FGF12: variants seen among roughly 807,000 people sequenced by gnomAD.
FGF12 encodes fibroblast growth factor 12, also known as fibroblast growth factor 12B.
FGF12 carries 14 observed loss-of-function variants against 23.6 expected under a neutral mutation model. The observed-to-expected ratio is 0.59, with a 90% CI of 0.39 to 0.93. The LOEUF is 0.93. Ranked by LOEUF, FGF12 falls within the 40% of genes least tolerant of loss-of-function variation. FGF12 has a pLI of 0.00. For synonymous variants in FGF12, 62 were observed against 77.3 expected, an observed-to-expected ratio of 0.80 and a Z score of 1.04; for missense variants, 175 against 217.8, an observed-to-expected ratio of 0.80 and a Z score of 1.24.
chr3:192,393,224 C>T (rs568884959), intron 2 of FGF12, among the ~76,000 whole-genome samples: 4 of 152,116 alleles, frequency 2.6e-5, no homozygotes, highest in African/African-American at 9.7e-5. Context: ...TGTTCTTTAC[C>T]GTGTTCTACG....
At chr3:192,679,501 A>G (rs1448749463) in intron 2 of FGF12, among the ~76,000 whole-genome samples, 1 of 151,974 alleles carries the variant, frequency 6.6e-6, no homozygotes, top group Non-Finnish European at 1.5e-5. Flanking sequence ...AGGAGGTGGG[A>G]GGTCAGAGGT....
intron 2 of FGF12, among the ~76,000 whole-genome samples, chr3:192,586,824 C>T (rs1035979886): frequency 2.0e-5 from 3 of 152,176 alleles, no homozygotes; most frequent in African/African-American, 7.2e-5. Flanking sequence ...GACTAGACCA[C>T]ACTCATTTTT....
At chr3:192,617,857 T>C (rs777236762) in intron 2 of FGF12, among the ~76,000 whole-genome samples, 4 of 152,092 alleles carry the variant, frequency 2.6e-5, no homozygotes, top group Non-Finnish European at 5.9e-5. Context: ...CATGGTAGTT[T>C]ATGAATACTC....
At chr3:192,722,137 T>C (rs1364307277) in intron 2 of FGF12, among the ~76,000 whole-genome samples, 1 of 152,160 alleles carries the variant, frequency 6.6e-6, no homozygotes, top group Non-Finnish European at 1.5e-5. Flanking sequence ...TGGACCCCCT[T>C]TGATATTTAA....
rs1366135581 is a variant in FGF12 at position 192,140,578 on chromosome 3, CTT to C, written c.*3429_*3430del. On this transcript the variant is annotated 3_prime_UTR_variant, in exon 6 of 6. Transcript: ENST00000445105. ...CTTTAAGTCTTTCCTTGTCCTTACT[CTT>C]GTCTTAATACTCTCATCTCCCACTA... 3.9e-5 allele frequency: 6 copies of C among 151,992 alleles called. No homozygotes were observed. Among genetic ancestry groups the C allele is most frequent in the South Asian group, 2.1e-4 (1 of 4,830 alleles). 9.4% of individuals were successfully genotyped at this position (151,992 alleles called of 1,614,324 possible).
chr3:192,707,168 T>A (rs1718497064), intron 2 of FGF12, among the ~76,000 whole-genome samples: 1 of 152,172 alleles, frequency 6.6e-6, no homozygotes, highest in Non-Finnish European at 1.5e-5. Context: ...ACAAAGGTTG[T>A]AATAGTTGTA....
At chr3:192,416,830 T>C (rs1721372825) in intron 2 of FGF12, among the ~76,000 whole-genome samples, 1 of 152,148 alleles carries the variant, frequency 6.6e-6, no homozygotes, top group East Asian at 1.9e-4. Context: ...TGTCTGTGTG[T>C]CTGCGAAGTC....
chr3:192,413,774 G>A (rs370196824), intron 2 of FGF12, among the ~76,000 whole-genome samples: 38 of 152,302 alleles, frequency 2.5e-4, no homozygotes, highest in African/African-American at 8.9e-4. Flanking sequence ...ATCTTGCTCT[G>A]AGATCAGGCC....
chr3:192,311,119 A>T (rs1577342470), intron 4 of FGF12, among the ~76,000 whole-genome samples: 1 of 152,208 alleles, frequency 6.6e-6, no homozygotes, highest in Admixed American at 6.5e-5. Context: ...TGGACAAATT[A>T]TCTTTCTAAA....
intron 2 of FGF12, among the ~76,000 whole-genome samples, chr3:192,724,928 A>G (rs1015226364): frequency 6.6e-6 from 1 of 152,204 alleles, no homozygotes; most frequent in Admixed American, 6.5e-5. Flanking sequence ...GTCACGCAAT[A>G]TGACTCTATC....
At chr3:192,533,202 A>G (rs7653301) in intron 2 of FGF12, among the ~76,000 whole-genome samples, 105,097 of 152,006 alleles carry the variant, frequency 0.69, 37,443 homozygotes, top group East Asian at 0.93. Context: ...GTAACTTGGT[A>G]TGTTCAAGAA....
chr3:192,488,898 T>A (rs1456734010), intron 2 of FGF12, among the ~76,000 whole-genome samples: 1 of 152,056 alleles, frequency 6.6e-6, no homozygotes, highest in Non-Finnish European at 1.5e-5. Context: ...GACAAATTAA[T>A]TTGTCAGAAA....
intron 2 of FGF12, among the ~76,000 whole-genome samples, chr3:192,498,422 T>A (rs1724025395): frequency 6.6e-6 from 1 of 152,256 alleles, no homozygotes; most frequent in Non-Finnish European, 1.5e-5. Context: ...TTCATTAATG[T>A]GGTTGCCACA....
intron 2 of FGF12, among the ~76,000 whole-genome samples, chr3:192,711,035 C>T (rs1256030903): frequency 1.3e-5 from 2 of 152,170 alleles, no homozygotes; most frequent in Non-Finnish European, 2.9e-5. Context: ...ACAAGCCCCA[C>T]CCATGAACAC....
intron 2 of FGF12, among the ~76,000 whole-genome samples, chr3:192,493,067 T>C (rs1723848437): frequency 6.7e-6 from 1 of 149,466 alleles, no homozygotes; most frequent in African/African-American, 2.5e-5. Flanking sequence ...AACTTAGAAA[T>C]AGTCATCTCA....
chr3:192,526,868 C>G (rs1339198152), intron 2 of FGF12, among the ~76,000 whole-genome samples: 1 of 152,158 alleles, frequency 6.6e-6, no homozygotes, highest in Non-Finnish European at 1.5e-5. Context: ...GTCATGCCTT[C>G]TGTCTTTCCT....
intron 4 of FGF12, among the ~76,000 whole-genome samples, chr3:192,262,968 A>G (rs1712853977): frequency 6.6e-6 from 1 of 152,120 alleles, no homozygotes; most frequent in African/African-American, 2.4e-5. Flanking sequence ...TCTCTAACAA[A>G]AAGGCATAAT....
chr3:192,321,241 A>G (rs756515036), intron 4 of FGF12, among the ~76,000 whole-genome samples: 7 of 152,098 alleles, frequency 4.6e-5, no homozygotes, highest in Non-Finnish European at 1.0e-4. Context: ...ACAGCATACC[A>G]TGATTGAACC....
chr3:192,474,256 T>A (rs1723252711), intron 2 of FGF12, among the ~76,000 whole-genome samples: 1 of 152,244 alleles, frequency 6.6e-6, no homozygotes, highest in Non-Finnish European at 1.5e-5. Flanking sequence ...AGTTCTCCTT[T>A]GTGTATTGGA....
Sources: gnomAD v4.1 joint callset for allele counts (sites outside exome capture counted in the v4.1 genomes callset) on GRCh38, gnomAD v4.1.1 for gene constraint, MANE v1.5 for transcripts, NCBI Gene and HGNC (gene_info 2026-07-23, HGNC 2026-07-21) for gene names.